The following ZNF143 variants were observed in gnomAD, a reference collection of about 807,000 sequenced individuals.
The protein encoded by ZNF143 is SPH-binding factor.
A neutral mutation model predicts 74.1 loss-of-function variants in ZNF143; 49 were observed. The observed-to-expected ratio is 0.66, with a 90% CI of 0.53 to 0.84. The LOEUF (loss-of-function observed/expected upper bound fraction) is 0.84, where lower values mean the gene tolerates loss of function less well. Among genes scored for constraint, ZNF143 ranks in the 40% least tolerant of loss-of-function variants. The pLI is 0.00. For missense variants in ZNF143, 637 were observed against 793.4 expected (o/e 0.80, Z 2.37); for synonymous variants, 304 against 282.8 (o/e 1.07, Z -0.75).
chr11:9,523,774 G>T (rs903151490), intron 14 of ZNF143, among the ~76,000 whole-genome samples: 1 of 151,694 alleles, frequency 6.6e-6, no homozygotes, highest in Non-Finnish European at 1.5e-5. Flanking sequence ...CTGGCTGGGC[G>T]CGGGGGCTCA....
intron 1 of ZNF143, among the ~76,000 whole-genome samples, chr11:9,468,396 T>A (rs1856371653): frequency 6.6e-6 from 1 of 152,214 alleles, no homozygotes; most frequent in Non-Finnish European, 1.5e-5. Context: ...CCTATCTCTG[T>A]TGTCACTTCA....
At chr11:9,463,035 A>C (rs1855967244) in intron 1 of ZNF143, among the ~76,000 whole-genome samples, 1 of 152,180 alleles carries the variant, frequency 6.6e-6, no homozygotes. Context: ...CATGTTTGCT[A>C]TTCTAGATAT....
chr11:9,474,695 G>T, intron 5 of ZNF143, 62 bp downstream of exon 5: 3 of 1,458,260 alleles, frequency 2.1e-6, no homozygotes, highest in Non-Finnish European at 2.9e-6. Context: ...GGGGAAAGAA[G>T]ACCTGTGTTT....
In ZNF143 at chr11:9,485,038, C is replaced by G. The variant is rs921143329; in HGVS notation, c.645+5492C>G. On this transcript the variant is annotated intron_variant, in intron 7 of 15. Transcript: ENST00000396602. ...GGTCTCCATCTCCTGACCTCGTGAT[C>G]TGCCTGCCTCGGCCTTCCAAAGTGC... Among the ~76,000 whole-genome samples the G allele has an allele frequency of 8.0e-5, 12 of 150,278 alleles. 1 individual carries two copies. The highest frequency in any genetic ancestry group is 3.0e-4 in the African/African-American group (12 of 40,060).
At chr11:9,485,088 C>T (rs375129732) in intron 7 of ZNF143, among the ~76,000 whole-genome samples, 4 of 150,738 alleles carry the variant, frequency 2.7e-5, no homozygotes, top group South Asian at 2.1e-4. Flanking sequence ...TGACCCACCG[C>T]GCCCGGCCGC....
chr11:9,518,542 C>T (rs1328541291), intron 14 of ZNF143, among the ~76,000 whole-genome samples: 2 of 152,078 alleles, frequency 1.3e-5, no homozygotes, highest in Non-Finnish European at 2.9e-5. Flanking sequence ...GGTGAAACCC[C>T]GTCTCTAATA....
intron 1 of ZNF143, among the ~76,000 whole-genome samples, chr11:9,467,611 G>A (rs1856317325): frequency 6.6e-6 from 1 of 151,942 alleles, no homozygotes; most frequent in Admixed American, 6.6e-5. Flanking sequence ...ACTTTGGGAA[G>A]CTGAGGCGGG....
chr11:9,495,334 G>C (rs1366311812), intron 8 of ZNF143, among the ~76,000 whole-genome samples: 2 of 152,142 alleles, frequency 1.3e-5, no homozygotes, highest in African/African-American at 2.4e-5. Flanking sequence ...CCAGCTACTC[G>C]GGAGGCTGAG....
chr11:9,469,949 A>G (rs949055739), intron 1 of ZNF143, among the ~76,000 whole-genome samples: 5 of 152,246 alleles, frequency 3.3e-5, no homozygotes, highest in African/African-American at 1.2e-4. Flanking sequence ...TTCCAAGACA[A>G]AATTCTTCAA....
Position 9,501,266 on chromosome 11 carries a change from C to G in ZNF143, c.1143C>G (p.His381Gln). The change falls in exon 11 of 16, where the codon CAC becomes CAG. Residue 381 changes from histidine to glutamine, a missense_variant. Around this residue, in one of 2 missense-constraint regions of ZNF143, gnomAD observed 344 missense variants for 485.6 expected, o/e 0.71. Coordinates refer to ENST00000396602, the MANE Select transcript of ZNF143 (RefSeq NM_003442.6). ...ATNYKNHVRI[H>Q]TGEKPYVCTV... ...ATTATAAAAACCATGTGAGGATACA[C>G]ACAGGTAACAATCTCTGATCTTTTG... 1 of 1,613,702 alleles carries G rather than the reference C, an allele frequency of 6.2e-7. No homozygotes were observed. Among genetic ancestry groups the G allele is most frequent in the Non-Finnish European group, 8.5e-7 (1 of 1,179,814 alleles).
At chr11:9,499,054 A>G (rs1459892623) in intron 10 of ZNF143, among the ~76,000 whole-genome samples, 1 of 152,232 alleles carries the variant, frequency 6.6e-6, no homozygotes, top group African/African-American at 2.4e-5. Context: ...TAAAAGCTAT[A>G]TCAAACCAAT....
chr11:9,512,864 A>G (rs1369271457), intron 13 of ZNF143, among the ~76,000 whole-genome samples: 2 of 152,186 alleles, frequency 1.3e-5, no homozygotes, highest in African/African-American at 4.8e-5. Flanking sequence ...CAGGGCTTCA[A>G]AAGTACTGGA....
intron 1 of ZNF143, among the ~76,000 whole-genome samples, chr11:9,466,365 G>T (rs1395735706): frequency 6.6e-6 from 1 of 150,592 alleles, no homozygotes; most frequent in Non-Finnish European, 1.5e-5. Flanking sequence ...ATGTGATCTC[G>T]GCTCACTGCA....
intron 11 of ZNF143, among the ~76,000 whole-genome samples, chr11:9,505,590 A>C (rs1433346124): frequency 6.6e-6 from 1 of 152,028 alleles, no homozygotes; most frequent in Non-Finnish European, 1.5e-5. Flanking sequence ...CTTACTGTTA[A>C]ATAATTATGG....
At chr11:9,525,602 T>G (rs981496513) in intron 15 of ZNF143, 5 of 594,206 alleles carry the variant, frequency 8.4e-6, no homozygotes, top group Middle Eastern at 9.3e-4. Context: ...GGGGAATTTA[T>G]AGCAAGAAAA....
intron 13 of ZNF143, among the ~76,000 whole-genome samples, chr11:9,514,196 A>G (rs1465927104): frequency 1.3e-5 from 2 of 152,180 alleles, no homozygotes; most frequent in Non-Finnish European, 1.5e-5. Context: ...CCATAATTCT[A>G]CTATTTATCA....
intron 2 of ZNF143, among the ~76,000 whole-genome samples, chr11:9,471,713 C>T (rs890773470): frequency 1.3e-4 from 20 of 151,708 alleles, no homozygotes; most frequent in African/African-American, 4.6e-4. Flanking sequence ...CCACCACGTC[C>T]GGCTAATTTT....
At chr11:9,511,102 CTTTTTTT>C (rs777285359) in intron 12 of ZNF143, among the ~76,000 whole-genome samples, 7 of 70,788 alleles carry the variant, frequency 9.9e-5, no homozygotes, top group Admixed American at 7.3e-4. Context: ...TTAACAGCTT[CTTTTTTT>C]TTTTTTTTTT....
chr11:9,476,271 A>T (rs1007469933), intron 5 of ZNF143, among the ~76,000 whole-genome samples: 2 of 152,176 alleles, frequency 1.3e-5, no homozygotes, highest in Admixed American at 6.6e-5. Flanking sequence ...TGAGGACAGA[A>T]TGCACAAACA....
Sources: gnomAD v4.1 joint callset for allele counts (sites outside exome capture counted in the v4.1 genomes callset) on GRCh38, gnomAD v4.1.1 for gene constraint, gnomAD v4.1.1 regional missense constraint, MANE v1.5 for transcripts, NCBI Gene and HGNC (gene_info 2026-07-23, HGNC 2026-07-21) for gene names.